The following SHQ1 variants were observed in gnomAD, a reference collection of about 807,000 sequenced individuals.
The protein encoded by SHQ1 is SHQ1, H/ACA ribonucleoprotein assembly factor.
SHQ1 carries 49 observed loss-of-function variants against 53.8 expected under a neutral mutation model. The ratio of observed to expected loss-of-function variants is 0.91; its 90% confidence interval spans 0.72 to 1.16. The LOEUF (loss-of-function observed/expected upper bound fraction) is 1.16, where lower values mean the gene tolerates loss of function less well. Ranked by LOEUF, SHQ1 falls within the 50% of genes most tolerant of loss-of-function variation. The pLI is 0.00. For missense variants in SHQ1, 738 were observed against 683.1 expected (o/e 1.08, Z -0.90); for synonymous variants, 243 against 251.0 (o/e 0.97, Z 0.30).
intron 9 of SHQ1, among the ~76,000 whole-genome samples, chr3:72,811,326 A>T (rs188514564): frequency 4.6e-5 from 7 of 152,348 alleles, no homozygotes; most frequent in Admixed American, 4.6e-4. Context: ...ATCTAGCATG[A>T]CTTAAAAAAG....
At chr3:72,844,678 A>C (rs1708278140) in intron 1 of SHQ1, among the ~76,000 whole-genome samples, 1 of 152,210 alleles carries the variant, frequency 6.6e-6, no homozygotes, top group Non-Finnish European at 1.5e-5. Context: ...AAAAGCCATA[A>C]TAAATAGTAG....
At position 72,819,877 on chromosome 3, in the gene SHQ1, C is replaced by T. The variant is rs115461112; in HGVS notation, c.728-2493G>A. On this transcript the variant is annotated intron_variant, in intron 6 of 10. Transcript: ENST00000325599. ...TTGATTTAAGGAAATGGCATGAAGG[C>T]ATATACTCACTGCAGGAAGAAAGCA... 5.5e-3 allele frequency among the ~76,000 whole-genome samples: 842 copies of T among 152,252 alleles called. 8 individuals carry two copies. The highest frequency in any genetic ancestry group is 0.018 in the African/African-American group (750 of 41,546).
At chr3:72,776,381 C>T (rs1705958517) in intron 10 of SHQ1, among the ~76,000 whole-genome samples, 1 of 152,108 alleles carries the variant, frequency 6.6e-6, no homozygotes, top group African/African-American at 2.4e-5. Flanking sequence ...AGGATGGTCA[C>T]ATGCTGTACA....
chr3:72,843,921 G>C (rs1708251889), intron 2 of SHQ1, among the ~76,000 whole-genome samples: 1 of 152,210 alleles, frequency 6.6e-6, no homozygotes, highest in South Asian at 2.1e-4. Context: ...ATCATGAGGA[G>C]AAAATTCAAT....
rs544323530 is a variant in SHQ1, at chr3:72,836,040, C to T, written c.487-3559G>A. Among the ~76,000 whole-genome samples the T allele has an allele frequency of 5.9e-5, 9 of 152,314 alleles. No homozygotes were observed. The South Asian group carries it at 8.3e-4, about 14-fold the overall frequency. On this transcript the variant is annotated intron_variant, in intron 4 of 10. Coordinates refer to ENST00000325599, the MANE Select transcript of SHQ1 (RefSeq NM_018130.3). ...TTCACTGTATCCCCATCACTGTGCC[C>T]GGTGTCCAATATTAAATCATCTATT...
chr3:72,745,073 A>G (rs1434455145), downstream of SHQ1, among the ~76,000 whole-genome samples: 4 of 152,170 alleles, frequency 2.6e-5, no homozygotes, highest in Non-Finnish European at 4.4e-5. Context: ...CATTGACTAT[A>G]TAAGTCAATT....
At chr3:72,844,253 G>T in intron 2 of SHQ1, 106 bp downstream of exon 2, 1 of 868,424 alleles carries the variant, frequency 1.2e-6, no homozygotes, top group Non-Finnish European at 1.8e-6. Flanking sequence ...GGAACAGATT[G>T]TATTTGAAAG....
chr3:72,822,016 T>C (rs1707492924), intron 6 of SHQ1, among the ~76,000 whole-genome samples: 1 of 152,214 alleles, frequency 6.6e-6, no homozygotes, highest in African/African-American at 2.4e-5. Flanking sequence ...GATTTTACTC[T>C]ACAATAATAA....
intron 1 of SHQ1, among the ~76,000 whole-genome samples, chr3:72,847,942 T>C (rs1241777637): frequency 6.6e-6 from 1 of 152,016 alleles, no homozygotes; most frequent in Non-Finnish European, 1.5e-5. Context: ...AGTGACACGG[T>C]CCAAACGTCA....
chr3:72,790,880 C>G (rs1706411034), intron 10 of SHQ1, among the ~76,000 whole-genome samples: 1 of 152,090 alleles, frequency 6.6e-6, no homozygotes, highest in Non-Finnish European at 1.5e-5. Context: ...GCTGGTTTCT[C>G]TCTCCTACCT....
chr3:72,752,415 A>G (rs572858532), intron 10 of SHQ1, among the ~76,000 whole-genome samples: 4 of 152,290 alleles, frequency 2.6e-5, no homozygotes, highest in Non-Finnish European at 5.9e-5. Flanking sequence ...CTATTGTTTT[A>G]TTTTTTAAAC....
intron 10 of SHQ1, among the ~76,000 whole-genome samples, chr3:72,763,086 G>A (rs913795844): frequency 6.7e-6 from 1 of 149,720 alleles, no homozygotes; most frequent in Non-Finnish European, 1.5e-5. Flanking sequence ...GAGAGAGAGA[G>A]AAATGCTTTA....
At chr3:72,804,633 T>C (rs1171408634) in intron 9 of SHQ1, among the ~76,000 whole-genome samples, 1 of 152,256 alleles carries the variant, frequency 6.6e-6, no homozygotes, top group African/African-American at 2.4e-5. Context: ...ATAGATTTGA[T>C]TCATGTCTGC....
chr3:72,761,399 T>G (rs1270633878), intron 10 of SHQ1, among the ~76,000 whole-genome samples: 2 of 152,168 alleles, frequency 1.3e-5, no homozygotes, highest in African/African-American at 4.8e-5. Flanking sequence ...CTCAAACTCC[T>G]GGGCTCAAGC....
intron 6 of SHQ1, among the ~76,000 whole-genome samples, chr3:72,820,245 T>C (rs1707436862): frequency 6.6e-6 from 1 of 152,222 alleles, no homozygotes; most frequent in South Asian, 2.1e-4. Flanking sequence ...ATTATCCACA[T>C]GTAAGTATTT....
At chr3:72,776,584 T>C (rs1052514187) in intron 10 of SHQ1, among the ~76,000 whole-genome samples, 2 of 152,140 alleles carry the variant, frequency 1.3e-5, no homozygotes, top group Admixed American at 1.3e-4. Flanking sequence ...TAAGTAATTT[T>C]TTTAAAAAAG....
chr3:72,751,529 T>TATATATATATATATATATATATAC (rs1491584090), intron 10 of SHQ1, among the ~76,000 whole-genome samples: 1 of 137,986 alleles, frequency 7.2e-6, no homozygotes, highest in Non-Finnish European at 1.5e-5. Context: ...TATATATATA[T>TATATATATATATATATATATATAC]ACATATACAT....
intron 10 of SHQ1, among the ~76,000 whole-genome samples, chr3:72,779,022 C>A (rs931774157): frequency 2.0e-5 from 3 of 152,138 alleles, no homozygotes; most frequent in Non-Finnish European, 4.4e-5. Flanking sequence ...TTGAAACTGG[C>A]CTAAAAAGCT....
chr3:72,751,535 T>TAC (rs1553688184), intron 10 of SHQ1, among the ~76,000 whole-genome samples: 18 of 139,962 alleles, frequency 1.3e-4, no homozygotes, highest in African/African-American at 4.5e-4. Context: ...TATATACATA[T>TAC]ACATACACTA....
Sources: allele counts gnomAD v4.1 joint callset (sites outside exome capture counted in the v4.1 genomes callset), GRCh38; gene constraint gnomAD v4.1.1; transcripts MANE v1.5; gene names NCBI Gene and HGNC (gene_info 2026-07-23, HGNC 2026-07-21).